The following HSD17B2 variants were observed in gnomAD, a reference collection of about 807,000 sequenced individuals.
HSD17B2 encodes the protein 17-beta-hydroxysteroid dehydrogenase type 2.
HSD17B2 carries 32 observed loss-of-function variants against 26.9 expected under a neutral mutation model. The observed-to-expected ratio is 1.19, with a 90% CI of 0.90 to 1.60. HSD17B2 has a LOEUF of 1.60. HSD17B2 is among the 40% of genes most tolerant of loss of function. HSD17B2 has a pLI of 0.00. For synonymous variants in HSD17B2, 246 were observed against 186.7 expected, an observed-to-expected ratio of 1.32 and a Z score of -2.59; for missense variants, 613 against 468.6, an observed-to-expected ratio of 1.31 and a Z score of -2.85.
intron 2 of HSD17B2, chr16:82,070,666 T>G: frequency 2.2e-6 from 1 of 447,844 alleles, no homozygotes; most frequent in Non-Finnish European, 4.0e-6. Context: ...ACCCTTAATT[T>G]GCAATACCTG....
chr16:82,063,293 A>T (rs1914492080), intron 1 of HSD17B2: 1 of 152,230 alleles, frequency 6.6e-6, no homozygotes. Context: ...TTTTTTAAAA[A>T]GACTGATGTA....
At chr16:82,073,895 G>A (rs1024078233) in intron 3 of HSD17B2, among the ~76,000 whole-genome samples, 9 of 151,974 alleles carry the variant, frequency 5.9e-5, no homozygotes, top group African/African-American at 1.9e-4. Context: ...AATAGTCAAG[G>A]CACCACTAAT....
At chr16:82,090,831 G>C in intron 3 of HSD17B2, 71 bp from the exon 4 acceptor site, 1 of 1,416,120 alleles carries the variant, frequency 7.1e-7, no homozygotes, top group South Asian at 1.4e-5. Context: ...AGTAGACACT[G>C]ATTAAATATT....
chr16:82,092,362 C>A (rs1343650626), intron 4 of HSD17B2: 1 of 152,166 alleles, frequency 6.6e-6, no homozygotes, highest in East Asian at 1.9e-4. Flanking sequence ...AAGGCTCAGT[C>A]TTCAGTTCTG....
intron 3 of HSD17B2, 184 bp downstream of exon 3, chr16:82,071,311 T>A (rs1402784768): frequency 3.0e-6 from 2 of 669,996 alleles, no homozygotes; most frequent in African/African-American, 1.8e-5. Context: ...AATTCTTTCA[T>A]GTAGAAACTC....
At chr16:82,070,115 A>G (rs2143982343) in intron 2 of HSD17B2, among the ~76,000 whole-genome samples, 1 of 152,302 alleles carries the variant, frequency 6.6e-6, no homozygotes, top group Non-Finnish European at 1.5e-5. Flanking sequence ...AGAGGCTTCA[A>G]CTTCAACATG....
chr16:82,094,117 T>C (rs1408916994), intron 4 of HSD17B2: 1 of 152,210 alleles, frequency 6.6e-6, no homozygotes, highest in Non-Finnish European at 1.5e-5. Flanking sequence ...TTACTATGAC[T>C]TGTATCTTGT....
rs2143978633 is a variant in HSD17B2, at chr16:82,068,297, C to T, written c.393C>T (p.Arg131=). Residue 131 remains arginine, a synonymous_variant, in exon 2 of 5, where the codon CGC becomes CGT. Coordinates refer to ENST00000199936, the MANE Select transcript of HSD17B2 (RefSeq NM_002153.3). ...AATTGCGAAGAACCTGCTCTCCGCG[C>T]CTCTCGGTGCTCCAAATGGACATCA... ...AEELRRTCSP[R]LSVLQMDITK... is the part of the protein sequence containing the mutation. 6.2e-7 allele frequency: 1 copy of T among 1,614,086 alleles called. No individual in the cohort carries two copies. The highest frequency in any genetic ancestry group is 1.3e-5 in the African/African-American group (1 of 75,010).
At chr16:82,066,510 T>G (rs8191122) in intron 1 of HSD17B2, among the ~76,000 whole-genome samples, 2,285 of 152,222 alleles carry the variant, frequency 0.015, 73 homozygotes, top group African/African-American at 0.053. Context: ...AGCATAGCCT[T>G]TAAAAAAAGA....
chr16:82,074,916 A>C (rs539678143), intron 3 of HSD17B2, among the ~76,000 whole-genome samples: 1 of 152,258 alleles, frequency 6.6e-6, no homozygotes, highest in Non-Finnish European at 1.5e-5. Flanking sequence ...TCCTGAGCAC[A>C]TGGATCGTTC....
At chr16:82,086,832 G>C (rs765821694) in intron 3 of HSD17B2, among the ~76,000 whole-genome samples, 5 of 152,202 alleles carry the variant, frequency 3.3e-5, no homozygotes, top group Non-Finnish European at 7.4e-5. Flanking sequence ...AGAAGTCCCA[G>C]ATCAGCATGC....
At chr16:82,054,959 A>G (rs941162520) in intron 1 of HSD17B2, among the ~76,000 whole-genome samples, 1 of 152,198 alleles carries the variant, frequency 6.6e-6, no homozygotes, top group Non-Finnish European at 1.5e-5. Flanking sequence ...GGCTCTCTTA[A>G]CATTTGAGGC....
chr16:82,080,596 C>G (rs1904352788), intron 3 of HSD17B2, among the ~76,000 whole-genome samples: 2 of 152,168 alleles, frequency 1.3e-5, no homozygotes, highest in African/African-American at 4.8e-5. Flanking sequence ...AATGTTTAAG[C>G]CACTAGGTTT....
Position 82,076,008 on chromosome 16 carries a change from C to T in HSD17B2, c.664+4881C>T, listed in dbSNP as rs191503597. On this transcript the variant is annotated intron_variant, in intron 3 of 4. Coordinates refer to ENST00000199936, the MANE Select transcript of HSD17B2 (RefSeq NM_002153.3). ...AATACTAGTAAACTGAATTCAACAG[C>T]GCATTAAAAAGATCATTTATCATGA... 7.3e-5 allele frequency among the ~76,000 whole-genome samples: 11 copies of T among 151,676 alleles called. No homozygotes were observed. The South Asian group carries it at 8.3e-4, about 12-fold the overall frequency.
intron 3 of HSD17B2, among the ~76,000 whole-genome samples, chr16:82,084,715 TATGCTTGAATAAGAAGAGTTGA>T (rs1253448212): frequency 6.6e-6 from 1 of 152,182 alleles, no homozygotes; most frequent in Non-Finnish European, 1.5e-5. Flanking sequence ...AATTGCATGC[TATGCTTGAATAAGAAGAGTTGA>T]AGATAAACCC....
At chr16:82,041,264 T>A (rs989666382) in intron 1 of HSD17B2, among the ~76,000 whole-genome samples, 2 of 152,222 alleles carry the variant, frequency 1.3e-5, no homozygotes, top group African/African-American at 4.8e-5. Context: ...GAATGCACAG[T>A]GAGTGAACCA....
intron 3 of HSD17B2, among the ~76,000 whole-genome samples, chr16:82,073,096 C>A (rs1361149747): frequency 6.6e-6 from 1 of 152,114 alleles, no homozygotes; most frequent in East Asian, 1.9e-4. Context: ...TAACCTTCCA[C>A]ATATCTTCAA....
At chr16:82,047,257 G>A (rs983569404) in intron 1 of HSD17B2, among the ~76,000 whole-genome samples, 1 of 152,158 alleles carries the variant, frequency 6.6e-6, no homozygotes, top group Admixed American at 6.5e-5. Context: ...TTGTTACCTG[G>A]CTACCTTTAG....
chr16:82,098,163 G>A lies in HSD17B2; in HGVS notation c.891G>A (p.Gln297=), dbSNP rs370410131. The A allele has an allele frequency of 8.7e-6, 14 of 1,614,094 alleles. No homozygotes were observed. The highest frequency in any genetic ancestry group is 2.2e-5 in the East Asian group (1 of 44,866). Residue 297 remains glutamine (Q), a synonymous_variant, in exon 5 of 5, where the codon CAG becomes CAA. Transcript: ENST00000199936. ...LPAEVQEDYG[Q]DYILAQRNFL... is the part of the protein sequence containing the mutation. ...CTGAGGTACAGGAAGACTACGGCCA[G>A]GACTACATCTTAGCACAGCGGAATT...
Sources: allele counts gnomAD v4.1 joint callset (sites outside exome capture counted in the v4.1 genomes callset), GRCh38; gene constraint gnomAD v4.1.1; transcripts MANE v1.5; gene names NCBI Gene and HGNC (gene_info 2026-07-23, HGNC 2026-07-21).